STARD9: variants seen among roughly 807,000 people sequenced by gnomAD.
STARD9 encodes stAR-related lipid transfer protein 9.
STARD9 carries 346 observed loss-of-function variants against 399.8 expected under a neutral mutation model. The ratio of observed to expected loss-of-function variants is 0.87; its 90% CI spans 0.79 to 0.95. The LOEUF (loss-of-function observed/expected upper bound fraction) is 0.95. STARD9 is among the 40% of genes least tolerant of loss of function. The probability of loss-of-function intolerance (pLI) is 0.00; values close to 1 mark genes in which losing one functional copy is unlikely to be tolerated. For synonymous variants in STARD9, 2,203 were observed against 2,143.5 expected (o/e 1.03, Z -0.77); for missense variants, 5,832 against 5,667.5 (o/e 1.03, Z -0.93).
At chr15:42,601,255 T>C (rs2058618155) in intron 3 of STARD9, among the ~76,000 whole-genome samples, 1 of 152,204 alleles carries the variant, frequency 6.6e-6, no homozygotes, top group Non-Finnish European at 1.5e-5. Context: ...GAGTCTCCTA[T>C]GTCTACTTCT....
chr15:42,665,756 A>G (rs1274517616), intron 14 of STARD9, 30 bp from the exon 15 acceptor site: 2 of 1,534,540 alleles, frequency 1.3e-6, no homozygotes, highest in Non-Finnish European at 1.7e-6. Flanking sequence ...GACCAGGAAA[A>G]TATCAAAGCA....
intron 15 of STARD9, among the ~76,000 whole-genome samples, chr15:42,668,312 A>G (rs1294311088): frequency 6.6e-6 from 1 of 151,994 alleles, no homozygotes; most frequent in Non-Finnish European, 1.5e-5. Flanking sequence ...AAGCACTTGT[A>G]CCTAAACCTG....
rs184939172 is a variant in STARD9 at position 42,621,590 on chromosome 15, A to T, written c.235-13266A>T. ...AGGGATGAGGTACAGAAACAGCTGGATTGGTTACAGCTCATTTTCTTCATT... is the reference window on the plus strand; with the variant it reads ...AGGGATGAGGTACAGAAACAGCTGGTTTGGTTACAGCTCATTTTCTTCATT... On this transcript the variant is annotated intron_variant, in intron 3 of 32. Coordinates refer to ENST00000290607, the MANE Select transcript of STARD9 (RefSeq NM_020759.3). 2.2e-3 allele frequency among the ~76,000 whole-genome samples: 335 copies of T among 152,258 alleles called. 2 individuals are homozygous for T. The highest frequency in any genetic ancestry group is 0.018 in the Admixed American group (282 of 15,254).
Position 42,719,567 on chromosome 15 carries a change from G to A in STARD9, c.14096G>A (p.Gly4699Asp). ...LVIARLASFL[G>D]R Reference sequence around the variant, plus strand: ...ATAGCCAGACTGGCTTCCTTCCTTGGTAGGTAGCATCTCACCGTCAAGATG... The same window carrying A: ...ATAGCCAGACTGGCTTCCTTCCTTGATAGGTAGCATCTCACCGTCAAGATG... The change falls in exon 33 of 33, where the codon GGT becomes GAT. Residue 4699 changes from glycine to aspartate, a missense_variant. Physicochemically the swap from Gly to Asp is moderately conservative, Grantham distance 94. Transcript: ENST00000290607. The A allele has an allele frequency of 6.5e-7, 1 of 1,534,196 alleles. No homozygotes were observed. The highest frequency in any genetic ancestry group is 8.7e-7 in the Non-Finnish European group (1 of 1,144,240).
rs1170052871 is a variant in STARD9, at chr15:42,665,122, A to T, written c.1177-131A>T. The T allele has an allele frequency of 8.7e-6, 6 of 687,492 alleles. No individual in the cohort carries two copies. In the Admixed American group the frequency reaches 1.5e-4, roughly 18 times the overall value. 42.6% of individuals were successfully genotyped at this position (687,492 alleles called of 1,614,324 possible). A position where few individuals can be genotyped will look rare whatever the true frequency, so the allele number is the denominator to read the frequency against. On this transcript the variant is annotated intron_variant, in intron 13 of 32. Transcript: ENST00000290607. ...GGGTGCTGCGGGTCCTGGGACCACA[A>T]CTTGAGAATGACTGCTGTAGAGACT...
At chr15:42,604,221 A>C (rs2058686037) in intron 3 of STARD9, among the ~76,000 whole-genome samples, 1 of 152,178 alleles carries the variant, frequency 6.6e-6, no homozygotes, top group African/African-American at 2.4e-5. Context: ...ATTTTTGCAA[A>C]GGCAGTTTCA....
intron 26 of STARD9, among the ~76,000 whole-genome samples, chr15:42,701,876 C>A (rs2060971149): frequency 6.7e-6 from 1 of 148,596 alleles, no homozygotes; most frequent in African/African-American, 2.6e-5. Flanking sequence ...CACCTGTAAT[C>A]CTAGCTTCCT....
At chr15:42,670,394 G>T (rs758887135) in intron 16 of STARD9, 2 of 152,220 alleles carry the variant, frequency 1.3e-5, no homozygotes, top group Non-Finnish European at 2.9e-5. Context: ...CTGGAGGCCA[G>T]TCCTCATTTC....
chr15:42,720,578 T>A lies in STARD9; in HGVS notation c.*1004T>A, dbSNP rs1297560103. On this transcript the variant is annotated 3_prime_UTR_variant, in exon 33 of 33. Transcript: ENST00000290607. ...TCCTAGGATGGGGTGGGATGGAGAG[T>A]GGGTTCAGTTTTCTTGTACTTTAGC... 1.3e-5 allele frequency: 2 copies of A among 152,068 alleles called. No homozygotes were observed. Among genetic ancestry groups the A allele is most frequent in the Non-Finnish European group, 2.9e-5 (2 of 68,014 alleles). 9.4% of individuals were successfully genotyped at this position (152,068 alleles called of 1,614,324 possible).
chr15:42,650,948 AC>A, intron 7 of STARD9, 67 bp from the exon 8 acceptor site: 2 of 1,154,412 alleles, frequency 1.7e-6, no homozygotes, highest in South Asian at 1.5e-5. Context: ...ATAAAGACTT[AC>A]AAGAAAAGGT....
rs903569057 is a variant in STARD9 at position 42,695,189 on chromosome 15, T to G, written c.13012T>G (p.Leu4338Val). The G allele has an allele frequency of 1.4e-5, 22 of 1,536,634 alleles. 1 individual carries two copies. The highest frequency in any genetic ancestry group is 2.0e-5 in the Admixed American group (1 of 50,944). Residue 4338 changes from leucine to valine, a missense_variant, in exon 25 of 33, where the codon TTG becomes GTG. Physicochemically the swap from Leu to Val is conservative, Grantham distance 32 (BLOSUM62 1). This residue lies in a region of STARD9 where 5,828 missense variants were observed against 5,651.1 expected (regional missense o/e 1.03). Coordinates refer to ENST00000290607, the MANE Select transcript of STARD9 (RefSeq NM_020759.3). Reference protein sequence around the residue: ...RSAHTPSDIELMLQDYQQAHE... With the variant: ...RSAHTPSDIEVMLQDYQQAHE... ...AGCTCACACACCCTCTGACATAGAG[T>G]TGATGCTGCAAGACTACCAGCAGGC...
chr15:42,707,854 G>C (rs774306564), intron 26 of STARD9, among the ~76,000 whole-genome samples: 2 of 152,114 alleles, frequency 1.3e-5, no homozygotes, highest in Non-Finnish European at 2.9e-5. Flanking sequence ...GATTTGGATG[G>C]GAGTGTGAAA....
In STARD9 at chr15:42,688,655, CTG is replaced by C. The variant is rs1055866985; in HGVS notation, c.7082_7083del (p.Val2361AlafsTer10). 4 of 1,537,510 alleles carry C rather than the reference CTG, an allele frequency of 2.6e-6. No homozygotes were observed. The highest frequency in any genetic ancestry group is 3.5e-6 in the Non-Finnish European group (4 of 1,147,006). The stretch of plus-strand genomic sequence containing the variant: ...TTGCTCTAGGCATCTCTTCACTTGA[CTG>C]TGTGCTGGATCTCACAATGTTGAAA... ...PVALGISSLD[C>X]VLDLTMLKIH... On this transcript the variant is annotated frameshift_variant, in exon 23 of 33. Coordinates refer to ENST00000290607, the MANE Select transcript of STARD9 (RefSeq NM_020759.3). LOFTEE classifies it high-confidence loss of function.
At chr15:42,709,235 A>G (rs1407446128) in intron 26 of STARD9, among the ~76,000 whole-genome samples, 1 of 152,154 alleles carries the variant, frequency 6.6e-6, no homozygotes, top group Non-Finnish European at 1.5e-5. Context: ...ATCTCTACAC[A>G]CACACACACA....
At chr15:42,576,533 T>G (rs2058060525) in intron 1 of STARD9, among the ~76,000 whole-genome samples, 1 of 152,112 alleles carries the variant, frequency 6.6e-6, no homozygotes, top group African/African-American at 2.4e-5. Flanking sequence ...AGCAAAGGAC[T>G]TAGACTGTAA....
chr15:42,597,245 A>C (rs2058525259), intron 3 of STARD9, among the ~76,000 whole-genome samples: 1 of 152,222 alleles, frequency 6.6e-6, no homozygotes, highest in African/African-American at 2.4e-5. Context: ...TTAAGTGTGT[A>C]CTACTACTCT....
chr15:42,718,228 C>T, intron 30 of STARD9, 49 bp downstream of exon 30: 1 of 1,497,676 alleles, frequency 6.7e-7, no homozygotes, highest in Non-Finnish European at 9.0e-7. Flanking sequence ...TCTGGTGTGC[C>T]CAGTGGGGTC....
chr15:42,706,398 AT>A (rs1173015727), intron 26 of STARD9, among the ~76,000 whole-genome samples: 1 of 150,468 alleles, frequency 6.6e-6, no homozygotes. Context: ...TTTTTGGTTG[AT>A]TCTCTAGACC....
intron 3 of STARD9, among the ~76,000 whole-genome samples, chr15:42,622,978 G>A (rs1219057684): frequency 1.3e-5 from 2 of 152,144 alleles, no homozygotes; most frequent in African/African-American, 4.8e-5. Flanking sequence ...AGGGCCAGGC[G>A]TGGTAGCTCA....
Sources: gnomAD v4.1 joint callset for allele counts (sites outside exome capture counted in the v4.1 genomes callset) on GRCh38, gnomAD v4.1.1 for gene constraint, gnomAD v4.1.1 regional missense constraint, MANE v1.5 for transcripts, NCBI Gene and HGNC (gene_info 2026-07-23, HGNC 2026-07-21) for gene names.